ITPR1: variants seen among roughly 807,000 people sequenced by gnomAD.
ITPR1 encodes inositol 1,4,5-trisphosphate receptor type 1.
ITPR1 carries 96 observed loss-of-function variants against 318.4 expected under a neutral mutation model. The ratio of observed to expected loss-of-function variants is 0.30; its 90% CI spans 0.26 to 0.36. The LOEUF is 0.36. Ranked by LOEUF, ITPR1 falls within the 10% of genes least tolerant of loss-of-function variation. The pLI is 1.00. For missense variants in ITPR1, 2,440 were observed against 3,460.2 expected, an observed-to-expected ratio of 0.71 and a Z score of 7.40; for synonymous variants, 1,312 against 1,289.9, an observed-to-expected ratio of 1.02 and a Z score of -0.37.
intron 4 of ITPR1, among the ~76,000 whole-genome samples, chr3:4,527,919 C>G (rs1472530332): frequency 6.6e-6 from 1 of 152,168 alleles, no homozygotes; most frequent in African/African-American, 2.4e-5. Context: ...TTTTACATCT[C>G]ATGCAAGCTC....
intron 4 of ITPR1, among the ~76,000 whole-genome samples, chr3:4,562,819 C>A (rs1450132610): frequency 6.6e-6 from 1 of 151,828 alleles, no homozygotes; most frequent in Non-Finnish European, 1.5e-5. Context: ...TAGTCTCTGC[C>A]CCCATAGAAC....
At chr3:4,552,557 GC>G (rs1203510883) in intron 4 of ITPR1, among the ~76,000 whole-genome samples, 2 of 152,178 alleles carry the variant, frequency 1.3e-5, no homozygotes, top group Non-Finnish European at 2.9e-5. Flanking sequence ...TGGAGTTGGG[GC>G]CCACTATCCT....
intron 34 of ITPR1, among the ~76,000 whole-genome samples, chr3:4,698,446 T>A (rs1445243292): frequency 6.6e-6 from 1 of 152,184 alleles, no homozygotes; most frequent in Non-Finnish European, 1.5e-5. Flanking sequence ...TGGCTTGGAA[T>A]GGCAGGCCTG....
intron 44 of ITPR1, among the ~76,000 whole-genome samples, chr3:4,746,533 A>G (rs902451994): frequency 6.7e-6 from 1 of 148,948 alleles, no homozygotes; most frequent in African/African-American, 2.5e-5. Flanking sequence ...CTTCCTCTTG[A>G]TCCCCTGAGG....
intron 34 of ITPR1, among the ~76,000 whole-genome samples, chr3:4,698,158 C>T (rs934190072): frequency 6.6e-6 from 1 of 152,084 alleles, no homozygotes; most frequent in Non-Finnish European, 1.5e-5. Context: ...ATTTGGCAAG[C>T]AGATAGATTA....
At chr3:4,563,288 G>C (rs376304519) in intron 4 of ITPR1, among the ~76,000 whole-genome samples, 2 of 152,112 alleles carry the variant, frequency 1.3e-5, no homozygotes, top group South Asian at 2.1e-4. Context: ...CAGGAGGATT[G>C]CTTGAGCCCA....
intron 44 of ITPR1, among the ~76,000 whole-genome samples, chr3:4,747,718 C>T (rs930400299): frequency 6.6e-5 from 10 of 152,198 alleles, no homozygotes; most frequent in African/African-American, 2.4e-4. Flanking sequence ...CATGTACTTC[C>T]AGCAAGTTCC....
intron 4 of ITPR1, among the ~76,000 whole-genome samples, chr3:4,596,862 A>G (rs984826317): frequency 3.9e-5 from 6 of 152,214 alleles, no homozygotes; most frequent in African/African-American, 1.2e-4. Flanking sequence ...CATGGAAACA[A>G]GTTGACTTTA....
chr3:4,639,332 G>A lies in ITPR1; in HGVS notation c.280-52G>A. ...CATTTGTTCTGCGTCACTGCAGTGGGATAGAACACATGGTTTCCTCTTTGT... is the reference window on the plus strand; with the variant it reads ...CATTTGTTCTGCGTCACTGCAGTGGAATAGAACACATGGTTTCCTCTTTGT... On this transcript the variant is annotated intron_variant, in intron 5 of 61. Transcript: ENST00000649015. 3.0e-6 allele frequency: 4 copies of A among 1,344,000 alleles called. No individual in the cohort carries two copies. In the South Asian group the frequency reaches 3.8e-5, roughly 13 times the overall value. 83.3% of individuals were successfully genotyped at this position (1,344,000 alleles called of 1,614,324 possible).
At position 4,783,518 on chromosome 3, in the gene ITPR1, C is replaced by T. The variant is rs183783159; in HGVS notation, c.6511-298C>T. On this transcript the variant is annotated intron_variant, in intron 50 of 61. Coordinates refer to ENST00000649015, the MANE Select transcript of ITPR1 (RefSeq NM_001378452.1). ...CCACCGAGAAGGTTTCTGAACATTC[C>T]GAATGGAGGCTCCCTAGGCTACACA... Among the ~76,000 whole-genome samples the T allele has an allele frequency of 1.4e-3, 219 of 152,226 alleles. 2 individuals carry two copies. Among genetic ancestry groups the T allele is most frequent in the African/African-American group, 4.9e-3 (204 of 41,524 alleles).
intron 14 of ITPR1, 84 bp downstream of exon 14, chr3:4,661,171 G>A (rs2093824656): frequency 1.3e-6 from 1 of 741,846 alleles, no homozygotes; most frequent in Non-Finnish European, 2.3e-6. Context: ...AGGGAGTATG[G>A]AGCGTGGAGA....
intron 7 of ITPR1, among the ~76,000 whole-genome samples, chr3:4,642,786 G>A (rs984939550): frequency 3.3e-5 from 5 of 152,200 alleles, no homozygotes; most frequent in African/African-American, 1.2e-4. Context: ...AAAGCCACAG[G>A]AAGGCTTTTC....
Position 4,813,251 on chromosome 3 carries a change from G to A in ITPR1, c.7561+17G>A. 7.1e-6 allele frequency: 11 copies of A among 1,559,900 alleles called. No individual in the cohort carries two copies. The highest frequency in any genetic ancestry group is 1.7e-4 in the Middle Eastern group (1 of 5,908). ...CCAGAGAAGGTAGGACCTCCTAACT[G>A]TAAGCCCCATGTTAATATCGGACTC... is the stretch of plus-strand genomic sequence containing the variant. On this transcript the variant is annotated intron_variant, in intron 57 of 61. Transcript: ENST00000649015.
intron 44 of ITPR1, among the ~76,000 whole-genome samples, chr3:4,746,236 TG>T (rs1271542664): frequency 6.6e-6 from 1 of 152,226 alleles, no homozygotes; most frequent in Non-Finnish European, 1.5e-5. Context: ...TTGTCAGTGA[TG>T]CCCCCCAAAT....
rs186974931 is a variant in ITPR1, at chr3:4,643,638, A to G, written c.526-498A>G. 3.8e-3 allele frequency among the ~76,000 whole-genome samples: 571 copies of G among 152,016 alleles called. 2 individuals are homozygous for G. The highest frequency in any genetic ancestry group is 0.012 in the African/African-American group (507 of 41,408). On this transcript the variant is annotated intron_variant, in intron 7 of 61. Transcript: ENST00000649015. ...TTTTGTTTTAGTTACATATATATAT[A>G]GTATTATAATTATAGAAACATGCGT...
At chr3:4,680,431 A>G (rs1230969811) in intron 24 of ITPR1, 122 bp from the exon 25 acceptor site, 1 of 813,862 alleles carries the variant, frequency 1.2e-6, no homozygotes, top group East Asian at 2.5e-5. Context: ...TACTTGGCTC[A>G]CTTAGTGCTT....
At position 4,674,253 on chromosome 3, in the gene ITPR1, G is replaced by C. The variant is rs1402464474; in HGVS notation, c.2508G>C (p.Gln836His). Residue 836 changes from glutamine to histidine, a missense_variant, in exon 22 of 62, where the codon CAG becomes CAC. By Grantham distance (24) the Gln-to-His change is conservative (BLOSUM62 0). Around this residue, in one of 23 missense-constraint regions of ITPR1, gnomAD observed 478 missense variants for 696.3 expected, o/e 0.69. Coordinates refer to ENST00000649015, the MANE Select transcript of ITPR1 (RefSeq NM_001378452.1). ...ATGAAATTAAGGAGAGATTTGCTCA[G>C]ACCATGGAGTTTGTGGAGGAGTATT... ...SKDEIKERFA[Q>H]TMEFVEEYLR... is the part of the protein sequence containing the mutation. The C allele has an allele frequency of 6.3e-7, 1 of 1,575,362 alleles. No homozygotes were observed. Among genetic ancestry groups the C allele is most frequent in the Non-Finnish European group, 8.6e-7 (1 of 1,158,306 alleles).
chr3:4,558,166 G>A (rs1014220291), intron 4 of ITPR1, among the ~76,000 whole-genome samples: 4 of 152,176 alleles, frequency 2.6e-5, no homozygotes, highest in Non-Finnish European at 5.9e-5. Context: ...ACATATCTAA[G>A]ATGTAGGGGG....
rs970397473 is a variant in ITPR1 at position 4,686,477 on chromosome 3, C to T, written c.3702+1271C>T. On this transcript the variant is annotated intron_variant, in intron 30 of 61. Transcript: ENST00000649015. ...TCTACTTCCTTGTGTGTAAGGAACG[C>T]GAGGGGGTCATTTGCTAACCATAGT... Among the ~76,000 whole-genome samples, 5 of 152,122 alleles carry T rather than the reference C, an allele frequency of 3.3e-5. No individual in the cohort carries two copies. The East Asian group carries it at 5.8e-4, about 18-fold the overall frequency.
Sources: gnomAD v4.1 joint callset for allele counts (sites outside exome capture counted in the v4.1 genomes callset) on GRCh38, gnomAD v4.1.1 for gene constraint, gnomAD v4.1.1 regional missense constraint, MANE v1.5 for transcripts, NCBI Gene and HGNC (gene_info 2026-07-23, HGNC 2026-07-21) for gene names.